Variants in KIF6 observed in about 807,000 individuals in gnomAD.
KIF6 encodes the protein kinesin family member 6.
In KIF6, 106 loss-of-function variants were observed where a neutral mutation model predicts 112.7. The observed-to-expected ratio is 0.94, with a 90% CI of 0.80 to 1.11. The LOEUF is 1.11. Among genes scored for constraint, KIF6 ranks in the 50% least tolerant of loss-of-function variants. The pLI, the probability that KIF6 is intolerant of heterozygous loss-of-function variation, is 0.00. For missense variants in KIF6, 929 were observed against 964.0 expected (o/e 0.96, Z 0.48); for synonymous variants, 339 against 339.9 (o/e 1.00, Z 0.03).
At chr6:39,601,384 A>G (rs1782562419) in intron 6 of KIF6, among the ~76,000 whole-genome samples, 1 of 152,080 alleles carries the variant, frequency 6.6e-6, no homozygotes, top group Non-Finnish European at 1.5e-5. Flanking sequence ...ACAAAGTAGT[A>G]TTGTTAAAAG....
intron 13 of KIF6, among the ~76,000 whole-genome samples, chr6:39,502,296 T>C (rs760754248): frequency 3.9e-5 from 6 of 152,102 alleles, no homozygotes; most frequent in Non-Finnish European, 8.8e-5. Context: ...CTGAGGGAAT[T>C]TGGTACCACA....
At chr6:39,707,564 A>G (rs1346467080) in intron 3 of KIF6, among the ~76,000 whole-genome samples, 1 of 152,228 alleles carries the variant, frequency 6.6e-6, no homozygotes. Flanking sequence ...GTCTCTAGCT[A>G]GGCTATCTTC....
intron 3 of KIF6, among the ~76,000 whole-genome samples, chr6:39,678,197 G>GT (rs1317299219): frequency 2.0e-5 from 3 of 151,434 alleles, no homozygotes; most frequent in African/African-American, 7.3e-5. Flanking sequence ...CTTTTACACT[G>GT]TTGGTGGGAC....
intron 13 of KIF6, among the ~76,000 whole-genome samples, chr6:39,458,085 C>T (rs1313545992): frequency 3.3e-5 from 5 of 151,754 alleles, no homozygotes; most frequent in Non-Finnish European, 7.4e-5. Context: ...GAATCTTAGA[C>T]CAATATCCTT....
chr6:39,539,028 C>T (rs373094733), intron 13 of KIF6, among the ~76,000 whole-genome samples: 3 of 132,552 alleles, frequency 2.3e-5, no homozygotes, highest in Non-Finnish European at 3.1e-5. Flanking sequence ...GAGAACACAT[C>T]GACACAGGAA....
At chr6:39,351,182 CTT>C (rs5875669) in intron 19 of KIF6, among the ~76,000 whole-genome samples, 4,990 of 106,696 alleles carry the variant, frequency 0.047, 92 homozygotes, top group Non-Finnish European at 0.06. Flanking sequence ...TAGGATTAAA[CTT>C]TTTTTTTTTT....
At chr6:39,575,010 CTGT>C (rs1252711361) in intron 10 of KIF6, among the ~76,000 whole-genome samples, 1 of 152,102 alleles carries the variant, frequency 6.6e-6, no homozygotes, top group Non-Finnish European at 1.5e-5. Flanking sequence ...AAGTCAACTA[CTGT>C]TCTTGTTTTA....
chr6:39,623,405 C>T (rs550543331), intron 5 of KIF6, among the ~76,000 whole-genome samples: 3 of 152,300 alleles, frequency 2.0e-5, no homozygotes, highest in Non-Finnish European at 2.9e-5. Flanking sequence ...TCCTATTGCA[C>T]ACTCAGAAAC....
At chr6:39,526,023 A>T (rs1310234651) in intron 13 of KIF6, among the ~76,000 whole-genome samples, 1 of 152,068 alleles carries the variant, frequency 6.6e-6, no homozygotes, top group Non-Finnish European at 1.5e-5. Flanking sequence ...AACACAATAC[A>T]AGCAACTCTT....
intron 9 of KIF6, among the ~76,000 whole-genome samples, chr6:39,581,152 C>T (rs923751495): frequency 3.1e-4 from 44 of 141,202 alleles, no homozygotes; most frequent in African/African-American, 8.7e-4. Flanking sequence ...CTCTTAGTAG[C>T]TTTACTTTCT....
intron 13 of KIF6, among the ~76,000 whole-genome samples, chr6:39,455,764 G>T (rs945320848): frequency 1.3e-4 from 20 of 152,006 alleles, no homozygotes; most frequent in African/African-American, 4.8e-4. Flanking sequence ...GAAAGAAAGG[G>T]TATCAACAAT....
intron 3 of KIF6, among the ~76,000 whole-genome samples, chr6:39,687,840 A>C (rs1787964594): frequency 6.6e-6 from 1 of 152,162 alleles, no homozygotes; most frequent in African/African-American, 2.4e-5. Context: ...GAATGAGGAT[A>C]CTTTTCTAGT....
intron 10 of KIF6, among the ~76,000 whole-genome samples, chr6:39,572,969 C>A (rs1780726494): frequency 6.7e-6 from 1 of 149,796 alleles, no homozygotes; most frequent in African/African-American, 2.5e-5. Context: ...TAGGGCTAGT[C>A]ATTAACAGAC....
At chr6:39,430,441 T>C (rs1037656062) in intron 14 of KIF6, among the ~76,000 whole-genome samples, 3 of 152,170 alleles carry the variant, frequency 2.0e-5, no homozygotes, top group Admixed American at 6.5e-5. Context: ...CTACATCTGA[T>C]AGAGTTTGTT....
At chr6:39,429,290 C>T (rs1263216308) in intron 14 of KIF6, among the ~76,000 whole-genome samples, 2 of 152,196 alleles carry the variant, frequency 1.3e-5, no homozygotes, top group East Asian at 1.9e-4. Flanking sequence ...CATCACCACC[C>T]TCAAGTCTCT....
chr6:39,412,891 G>T (rs1012090346), intron 15 of KIF6, among the ~76,000 whole-genome samples: 1 of 151,882 alleles, frequency 6.6e-6, no homozygotes, highest in African/African-American at 2.4e-5. Context: ...CCCCATCTCT[G>T]CACATGATGC....
At chr6:39,395,771 T>C (rs1383176326) in intron 15 of KIF6, among the ~76,000 whole-genome samples, 1 of 152,158 alleles carries the variant, frequency 6.6e-6, no homozygotes, top group Non-Finnish European at 1.5e-5. Flanking sequence ...AACATGCTCC[T>C]ACTTGCACTG....
chr6:39,586,461 A>C, intron 7 of KIF6, 57 bp from the exon 8 acceptor site: 1 of 1,416,678 alleles, frequency 7.1e-7, no homozygotes, highest in Non-Finnish European at 9.9e-7. Context: ...CACTCCTGAC[A>C]AACAACAGAG....
chr6:39,395,782 G>C (rs1441746993), intron 15 of KIF6, among the ~76,000 whole-genome samples: 2 of 152,130 alleles, frequency 1.3e-5, no homozygotes, highest in Non-Finnish European at 2.9e-5. Context: ...ACTTGCACTG[G>C]AGGCTAGTTT....
Sources: gnomAD v4.1 joint callset for allele counts (sites outside exome capture counted in the v4.1 genomes callset) on GRCh38, gnomAD v4.1.1 for gene constraint, MANE v1.5 for transcripts, NCBI Gene and HGNC (gene_info 2026-07-23, HGNC 2026-07-21) for gene names.